AARS1: variants seen among roughly 807,000 people sequenced by gnomAD.
AARS1 encodes the protein alanine--tRNA ligase, cytoplasmic.
In AARS1, 72 loss-of-function variants were observed where a neutral mutation model predicts 108.9. The ratio of observed to expected loss-of-function variants is 0.66; its 90% confidence interval spans 0.55 to 0.80. The LOEUF (loss-of-function observed/expected upper bound fraction) is 0.80, where lower values mean the gene tolerates loss of function less well. Among genes scored for constraint, AARS1 ranks in the 30% least tolerant of loss-of-function variants. AARS1 has a pLI of 0.00. For missense variants in AARS1, 1,193 were observed against 1,233.2 expected, an observed-to-expected ratio of 0.97 and a Z score of 0.49; for synonymous variants, 489 against 465.7, an observed-to-expected ratio of 1.05 and a Z score of -0.64.
intron 9 of AARS1, among the ~76,000 whole-genome samples, chr16:70,266,568 C>A (rs1960268577): frequency 6.6e-6 from 1 of 151,600 alleles, no homozygotes; most frequent in Non-Finnish European, 1.5e-5. Context: ...GTTGCCCAGG[C>A]TGGAGTGTAC....
rs1436371354 is a variant in AARS1, at chr16:70,268,392, A to G, written c.963-13T>C. On this transcript the variant is annotated splice_polypyrimidine_tract_variant and intron_variant, in intron 7 of 20. Transcript: ENST00000261772. ...TCTCAACACATATCTGTAAGAGGCA[A>G]AAACTAGTCCCCAACGTTCCCAGCT... 1 of 1,612,074 alleles carries G rather than the reference A, an allele frequency of 6.2e-7. No homozygotes were observed. Among genetic ancestry groups the G allele is most frequent in the African/African-American group, 1.3e-5 (1 of 74,904 alleles).
chr16:70,282,197 C>T (rs537335200), intron 2 of AARS1, among the ~76,000 whole-genome samples: 15 of 141,910 alleles, frequency 1.1e-4, no homozygotes, highest in East Asian at 2.1e-4. Context: ...GGCATGGTGG[C>T]GGGCACCTGT....
chr16:70,286,775 G>A, intron 1 of AARS1, among the ~76,000 whole-genome samples: 1 of 151,478 alleles, frequency 6.6e-6, no homozygotes. Context: ...AACCTGGGAG[G>A]CAGAGGTTGC....
chr16:70,270,079 G>A, intron 6 of AARS1, 117 bp downstream of exon 6: 3 of 1,307,888 alleles, frequency 2.3e-6, no homozygotes, highest in South Asian at 2.4e-5. Flanking sequence ...GTAGGCAGAT[G>A]GAAATGGGTA....
chr16:70,275,629 G>A (rs952998442), intron 4 of AARS1, among the ~76,000 whole-genome samples: 1 of 151,774 alleles, frequency 6.6e-6, no homozygotes, highest in Non-Finnish European at 1.5e-5. Flanking sequence ...CGGGCGTGGT[G>A]GTGGGCGCCT....
rs368403429 is a variant in AARS1 at position 70,260,958 on chromosome 16, G to A, written c.1785+86C>T. ...ATTACAAGTGTGAGCCACCACACCC[G>A]GCCCAACAGTGACAGGACAATTTAA... On this transcript the variant is annotated intron_variant, in intron 13 of 20. Transcript: ENST00000261772. The A allele has an allele frequency of 5.8e-5, 63 of 1,088,394 alleles. 1 individual carries two copies. In the South Asian group the frequency reaches 5.9e-4, roughly 10 times the overall value. 67.4% of individuals were successfully genotyped at this position (1,088,394 alleles called of 1,614,324 possible).
chr16:70,273,723 C>A (rs540199134), intron 4 of AARS1, among the ~76,000 whole-genome samples: 1 of 151,616 alleles, frequency 6.6e-6, no homozygotes, highest in Non-Finnish European at 1.5e-5. Context: ...ATTAGCCGGG[C>A]GTGGTGGTGG....
intron 2 of AARS1, among the ~76,000 whole-genome samples, chr16:70,278,913 A>G (rs1231332301): frequency 1.3e-5 from 2 of 152,194 alleles, no homozygotes; most frequent in African/African-American, 2.4e-5. Context: ...CTATGTGAGC[A>G]TGGACAACTG....
chr16:70,255,009 G>A (rs550658951), intron 16 of AARS1, among the ~76,000 whole-genome samples: 19 of 152,170 alleles, frequency 1.2e-4, no homozygotes, highest in South Asian at 4.2e-4. Flanking sequence ...GGCCACCCCT[G>A]GGGCTTTAGC....
intron 4 of AARS1, among the ~76,000 whole-genome samples, chr16:70,275,645 C>T: frequency 6.6e-6 from 1 of 151,726 alleles, no homozygotes; most frequent in Non-Finnish European, 1.5e-5. Context: ...CGCCTGTAGT[C>T]CCAGCTACTC....
At chr16:70,257,960 T>A in intron 15 of AARS1, 73 bp downstream of exon 15, 1 of 1,552,776 alleles carries the variant, frequency 6.4e-7, no homozygotes. Context: ...CAAGAGTTGG[T>A]CCAGCCTAAG....
Position 70,252,537 on chromosome 16 carries a change from G to C in AARS1, c.*184C>G. On this transcript the variant is annotated 3_prime_UTR_variant, in exon 21 of 21. Transcript: ENST00000261772. ...TTAGTGGTTCTAGACCGATGGCACT[G>C]ACGTGGAGGGCTCAGGGCAGAAATT... 1.5e-6 allele frequency: 1 copy of C among 654,278 alleles called. No individual in the cohort carries two copies. 40.5% of individuals were successfully genotyped at this position (654,278 alleles called of 1,614,324 possible).
intron 14 of AARS1, among the ~76,000 whole-genome samples, chr16:70,258,650 C>T (rs1399570696): frequency 6.6e-6 from 1 of 152,130 alleles, no homozygotes; most frequent in Non-Finnish European, 1.5e-5. Context: ...ACTGCAAGCT[C>T]CACCTCCCGG....
Position 70,252,748 on chromosome 16 carries a change from C to T in AARS1, c.2880G>A (p.Gln960=). 1 of 1,614,156 alleles carries T rather than the reference C, an allele frequency of 6.2e-7. No homozygotes were observed. Among genetic ancestry groups the T allele is most frequent in the Non-Finnish European group, 8.5e-7 (1 of 1,180,030 alleles). ...AGTTCTTTACATCCCCGAGGCGCAG[C>T]TGGGCGAAGGAAGTGGCCAGCTGCA... is the stretch of plus-strand genomic sequence containing the variant. ...EALQLATSFA[Q]LRLGDVKN is the part of the protein sequence containing the mutation. Residue 960 remains glutamine, a synonymous_variant, in exon 21 of 21, where the codon CAG becomes CAA. Coordinates refer to ENST00000261772, the MANE Select transcript of AARS1 (RefSeq NM_001605.3).
At chr16:70,253,033 C>A in intron 20 of AARS1, 127 bp from the exon 21 acceptor site, 2 of 1,145,802 alleles carry the variant, frequency 1.7e-6, no homozygotes, top group South Asian at 1.3e-5. Context: ...GAGGCCGAGA[C>A]AGACTTTACG....
intron 2 of AARS1, among the ~76,000 whole-genome samples, chr16:70,279,745 T>C (rs1017090457): frequency 1.3e-5 from 2 of 150,052 alleles, no homozygotes; most frequent in Admixed American, 6.7e-5. Context: ...ATGTGGAAGG[T>C]GACAAAGCTT....
intron 5 of AARS1, 145 bp from the exon 6 acceptor site, chr16:70,270,485 G>A (rs1248471581): frequency 2.1e-6 from 2 of 965,620 alleles, no homozygotes; most frequent in Non-Finnish European, 3.2e-6. Flanking sequence ...GAGGGAAGTG[G>A]AGGGAGAAAG....
At chr16:70,283,743 T>C (rs1485068893) in intron 1 of AARS1, among the ~76,000 whole-genome samples, 1 of 152,158 alleles carries the variant, frequency 6.6e-6, no homozygotes, top group South Asian at 2.1e-4. Context: ...GTAGCAGGAA[T>C]GTACCTACCT....
At chr16:70,261,321 T>C in intron 12 of AARS1, 164 bp from the exon 13 acceptor site, 1 of 533,004 alleles carries the variant, frequency 1.9e-6, no homozygotes, top group Non-Finnish European at 3.5e-6. Context: ...ATAGGCCAGG[T>C]GCAGTGGCTC....
Sources: allele counts gnomAD v4.1 joint callset (sites outside exome capture counted in the v4.1 genomes callset), GRCh38; gene constraint gnomAD v4.1.1; transcripts MANE v1.5; gene names NCBI Gene and HGNC (gene_info 2026-07-23, HGNC 2026-07-21).